Variants in MED27 observed in about 807,000 individuals in gnomAD.
The protein encoded by MED27 is mediator of RNA polymerase II transcription subunit 27.
In MED27, 30 loss-of-function variants were observed where a neutral mutation model predicts 38.2. The ratio of observed to expected loss-of-function variants is 0.79; its 90% CI spans 0.59 to 1.07. MED27 has a LOEUF of 1.07. Among genes scored for constraint, MED27 ranks in the 50% least tolerant of loss-of-function variants. The pLI is 0.00. For synonymous variants in MED27, 122 were observed against 153.5 expected (o/e 0.79, Z 1.52); for missense variants, 289 against 397.5 (o/e 0.73, Z 2.32).
chr9:131,976,821 C>T (rs750453334), intron 3 of MED27, among the ~76,000 whole-genome samples: 12 of 152,224 alleles, frequency 7.9e-5, no homozygotes, highest in Non-Finnish European at 1.3e-4. Flanking sequence ...GGTCCTGTCT[C>T]TAATCTACAA....
At chr9:132,054,434 A>C (rs1833531367) in intron 2 of MED27, among the ~76,000 whole-genome samples, 1 of 152,088 alleles carries the variant, frequency 6.6e-6, no homozygotes, top group South Asian at 2.1e-4. Flanking sequence ...CTTTTCTTTT[A>C]TTTGAGACAG....
At chr9:131,909,624 G>A (rs1303968425) in intron 4 of MED27, among the ~76,000 whole-genome samples, 1 of 152,238 alleles carries the variant, frequency 6.6e-6, no homozygotes, top group Non-Finnish European at 1.5e-5. Context: ...TGACCTTGAT[G>A]TAGACAATTT....
chr9:132,078,069 C>T (rs1834092733), intron 1 of MED27, among the ~76,000 whole-genome samples: 1 of 152,120 alleles, frequency 6.6e-6, no homozygotes, highest in African/African-American at 2.4e-5. Flanking sequence ...TAAAACTTAA[C>T]AAAACAAAGA....
chr9:132,036,305 G>A (rs1188712948), intron 2 of MED27, among the ~76,000 whole-genome samples: 2 of 152,074 alleles, frequency 1.3e-5, no homozygotes, highest in Non-Finnish European at 2.9e-5. Flanking sequence ...CTGGGCTCAA[G>A]CTATCCTCCC....
At chr9:131,947,743 T>C (rs558968294) in intron 3 of MED27, among the ~76,000 whole-genome samples, 33 of 151,884 alleles carry the variant, frequency 2.2e-4, no homozygotes, top group African/African-American at 8.0e-4. Flanking sequence ...GTTAGTGTGA[T>C]GCTTAGCAGC....
chr9:131,905,734 A>AAAAAAAAAAAAAC (rs751226482), intron 4 of MED27, among the ~76,000 whole-genome samples: 1 of 28,158 alleles, frequency 3.6e-5, no homozygotes. Context: ...AAAACAGAAA[A>AAAAAAAAAAAAAC]AGAAAAAGAA....
chr9:131,934,940 T>C (rs1345739232), intron 4 of MED27, among the ~76,000 whole-genome samples: 1 of 152,182 alleles, frequency 6.6e-6, no homozygotes, highest in Non-Finnish European at 1.5e-5. Context: ...GTTGTTAAGT[T>C]ATGTGAAATA....
At chr9:131,975,928 C>A (rs945084068) in intron 3 of MED27, among the ~76,000 whole-genome samples, 4 of 152,216 alleles carry the variant, frequency 2.6e-5, no homozygotes, top group Non-Finnish European at 5.9e-5. Context: ...GAAATCTAAG[C>A]AGCATCTCTC....
intron 4 of MED27, among the ~76,000 whole-genome samples, chr9:131,909,966 T>G (rs1830157699): frequency 6.6e-6 from 1 of 152,218 alleles, no homozygotes; most frequent in South Asian, 2.1e-4. Flanking sequence ...TAAATTAAAC[T>G]CTGGACTTCA....
intron 4 of MED27, among the ~76,000 whole-genome samples, chr9:131,903,307 T>C (rs1829988515): frequency 1.3e-5 from 2 of 152,104 alleles, no homozygotes; most frequent in Non-Finnish European, 2.9e-5. Flanking sequence ...TCTTGTGAGA[T>C]CCACTCATTA....
At chr9:132,034,517 G>C (rs1833031183) in intron 2 of MED27, among the ~76,000 whole-genome samples, 2 of 152,234 alleles carry the variant, frequency 1.3e-5, no homozygotes, top group Non-Finnish European at 2.9e-5. Context: ...CTGGAAAGAT[G>C]TCTGCAGAAG....
chr9:132,062,497 G>A (rs1456930158), intron 2 of MED27, among the ~76,000 whole-genome samples: 5 of 152,232 alleles, frequency 3.3e-5, no homozygotes, highest in African/African-American at 1.2e-4. Context: ...GTTGAGTATG[G>A]TGGCTCAAGG....
At position 131,983,468 on chromosome 9, in the gene MED27, T is replaced by C. The variant is rs538298708; in HGVS notation, c.479+30869A>G. Among the ~76,000 whole-genome samples, 229 of 152,366 alleles carry C rather than the reference T, an allele frequency of 1.5e-3. 2 individuals carry two copies. The highest frequency in any genetic ancestry group is 5.4e-3 in the African/African-American group (223 of 41,572). ...CCTTTTATTTCAGCAGTAGCCCCTA[T>C]TTCAAAGGCTCCTGTAATACTTTAC... On this transcript the variant is annotated intron_variant, in intron 3 of 7. Transcript: ENST00000292035.
At chr9:132,066,867 A>G (rs1833821304) in intron 2 of MED27, among the ~76,000 whole-genome samples, 1 of 152,188 alleles carries the variant, frequency 6.6e-6, no homozygotes, top group Non-Finnish European at 1.5e-5. Context: ...AAAAATAATA[A>G]AAATAAAAAT....
chr9:132,024,024 G>A (rs1832768403), intron 2 of MED27, among the ~76,000 whole-genome samples: 2 of 152,164 alleles, frequency 1.3e-5, no homozygotes, highest in Admixed American at 6.5e-5. Flanking sequence ...CTTTGTACTT[G>A]GCCATGAAGC....
chr9:132,013,152 C>CT (rs1164299076), intron 3 of MED27, among the ~76,000 whole-genome samples: 2 of 152,176 alleles, frequency 1.3e-5, no homozygotes, highest in Non-Finnish European at 2.9e-5. Context: ...CTGAGTGAGC[C>CT]TTTGCACTCA....
intron 5 of MED27, among the ~76,000 whole-genome samples, chr9:131,891,428 C>T (rs950858658): frequency 2.0e-5 from 3 of 152,154 alleles, no homozygotes; most frequent in Non-Finnish European, 2.9e-5. Flanking sequence ...ATGGCAATGT[C>T]ACAATATGCT....
At chr9:131,905,599 G>A (rs749275330) in intron 4 of MED27, among the ~76,000 whole-genome samples, 5 of 151,126 alleles carry the variant, frequency 3.3e-5, no homozygotes, top group African/African-American at 4.9e-5. Context: ...TTGGGAAGCC[G>A]GGATGGGAGA....
intron 4 of MED27, among the ~76,000 whole-genome samples, chr9:131,902,315 G>A (rs4076209): frequency 3.0e-4 from 46 of 152,244 alleles, no homozygotes; most frequent in African/African-American, 1.1e-3. Flanking sequence ...CAGCAGGCTC[G>A]AGAGCTGCGG....
Sources: gnomAD v4.1 joint callset for allele counts (sites outside exome capture counted in the v4.1 genomes callset) on GRCh38, gnomAD v4.1.1 for gene constraint, MANE v1.5 for transcripts, NCBI Gene and HGNC (gene_info 2026-07-23, HGNC 2026-07-21) for gene names.